The following NEDD4L variants were observed in gnomAD, a reference collection of about 807,000 sequenced individuals.
The protein encoded by NEDD4L is E3 ubiquitin-protein ligase NEDD4-like.
Under a neutral mutation model 148.9 loss-of-function variants are expected in NEDD4L, and 54 were observed. That is an observed-to-expected ratio of 0.36 (90% confidence interval 0.29 to 0.45). The LOEUF (loss-of-function observed/expected upper bound fraction) is 0.45. Among genes scored for constraint, NEDD4L ranks in the 20% least tolerant of loss-of-function variants. The probability of loss-of-function intolerance (pLI) is 1.00; values close to 1 mark genes in which losing one functional copy is unlikely to be tolerated. For synonymous variants in NEDD4L, 433 were observed against 440.7 expected (o/e 0.98, Z 0.22); for missense variants, 856 against 1,233.8 (o/e 0.69, Z 4.59).
At chr18:58,151,749 G>T (rs1420361733) in intron 1 of NEDD4L, among the ~76,000 whole-genome samples, 1 of 151,746 alleles carries the variant, frequency 6.6e-6, no homozygotes, top group Admixed American at 6.6e-5. Context: ...AATCTATGGG[G>T]TTAGAGAGCA....
intron 2 of NEDD4L, among the ~76,000 whole-genome samples, chr18:58,240,245 C>T (rs2046475465): frequency 6.6e-6 from 1 of 152,064 alleles, no homozygotes; most frequent in Non-Finnish European, 1.5e-5. Context: ...GCTAGAACCT[C>T]CCAAGTGGTT....
At chr18:58,273,524 G>A (rs1430897717) in intron 5 of NEDD4L, among the ~76,000 whole-genome samples, 2 of 152,184 alleles carry the variant, frequency 1.3e-5, no homozygotes, top group East Asian at 1.9e-4. Context: ...GTGTGTGAGG[G>A]CTTGCAGACT....
intron 5 of NEDD4L, among the ~76,000 whole-genome samples, chr18:58,275,809 A>T (rs547376501): frequency 6.6e-6 from 1 of 152,258 alleles, no homozygotes; most frequent in East Asian, 1.9e-4. Context: ...GGAAAACTTA[A>T]CAAGCAGGAA....
intron 2 of NEDD4L, among the ~76,000 whole-genome samples, chr18:58,241,784 A>G (rs571262409): frequency 3.3e-5 from 5 of 152,158 alleles, no homozygotes; most frequent in African/African-American, 1.2e-4. Context: ...CAGGAAATAG[A>G]AGGTTGCTTG....
chr18:58,378,682 G>T (rs369105258), intron 24 of NEDD4L, among the ~76,000 whole-genome samples: 1 of 152,168 alleles, frequency 6.6e-6, no homozygotes, highest in South Asian at 2.1e-4. Flanking sequence ...CCCCGAGGCC[G>T]TGCCCTGCAG....
intron 5 of NEDD4L, among the ~76,000 whole-genome samples, chr18:58,295,945 A>C (rs1481819425): frequency 6.6e-6 from 1 of 152,176 alleles, no homozygotes; most frequent in South Asian, 2.1e-4. Context: ...TGAGTGAAAC[A>C]GTATTTCATT....
At chr18:58,100,340 C>A (rs982539922) in intron 1 of NEDD4L, among the ~76,000 whole-genome samples, 1 of 152,150 alleles carries the variant, frequency 6.6e-6, no homozygotes, top group Non-Finnish European at 1.5e-5. Context: ...CCCTTAGAGG[C>A]CAGAGTAATG....
intron 2 of NEDD4L, among the ~76,000 whole-genome samples, chr18:58,179,417 C>T (rs749606826): frequency 1.1e-4 from 17 of 152,172 alleles, no homozygotes; most frequent in African/African-American, 2.9e-4. Context: ...ACCAAAGAGT[C>T]GTCCTTTACT....
intron 5 of NEDD4L, among the ~76,000 whole-genome samples, chr18:58,281,649 T>C (rs1353234905): frequency 6.6e-6 from 1 of 151,926 alleles, no homozygotes. Context: ...GGCAGCTGTT[T>C]TGGAGGAAAA....
At chr18:58,383,400 A>G (rs955662050) in intron 25 of NEDD4L, 81 bp downstream of exon 25, 3 of 791,058 alleles carry the variant, frequency 3.8e-6, no homozygotes, top group Admixed American at 2.2e-5. Flanking sequence ...GAAACAGCTC[A>G]TGCATTTATT....
At chr18:58,298,024 G>A (rs1162192237) in intron 5 of NEDD4L, among the ~76,000 whole-genome samples, 2 of 151,802 alleles carry the variant, frequency 1.3e-5, no homozygotes, top group Non-Finnish European at 2.9e-5. Flanking sequence ...ATTCTTGAAG[G>A]GAAACAATTA....
At chr18:58,279,458 G>T (rs1220727897) in intron 5 of NEDD4L, among the ~76,000 whole-genome samples, 1 of 152,190 alleles carries the variant, frequency 6.6e-6, no homozygotes, top group African/African-American at 2.4e-5. Flanking sequence ...TTGCAAAGGA[G>T]GGCATTTCCA....
Position 58,383,419 on chromosome 18 carries a change from G to A in NEDD4L, c.2426+100G>A, listed in dbSNP as rs2048598698. On this transcript the variant is annotated intron_variant, in intron 25 of 30. Coordinates refer to ENST00000400345, the MANE Select transcript of NEDD4L (RefSeq NM_001144967.3). ...CAGCTCATGCATTTATTATGGGCAT[G>A]AGTTTATTGGTCAGTTTTCAACAAG... 5.8e-6 allele frequency: 4 copies of A among 692,414 alleles called. No individual in the cohort carries two copies. The East Asian group carries it at 1.1e-4, about 19-fold the overall frequency. 42.9% of individuals were successfully genotyped at this position (692,414 alleles called of 1,614,324 possible). A position where few individuals can be genotyped will look rare whatever the true frequency, so the allele number is the denominator to read the frequency against.
chr18:58,247,822 C>A (rs1346225883), intron 3 of NEDD4L, among the ~76,000 whole-genome samples: 1 of 152,226 alleles, frequency 6.6e-6, no homozygotes. Flanking sequence ...GCTCCACTCC[C>A]CTCCCCTCGT....
chr18:58,257,697 C>T (rs985397405), intron 5 of NEDD4L, among the ~76,000 whole-genome samples: 2 of 152,256 alleles, frequency 1.3e-5, no homozygotes, highest in Non-Finnish European at 1.5e-5. Context: ...GACAGCTGCA[C>T]GCTCCATCGA....
In NEDD4L at chr18:58,044,416, C is replaced by T. The variant is rs1340221549; in HGVS notation, c.-245C>T. ...GGCGCCGGGGCTGCCGCCCGGTGCT[C>T]GGCGCGCTCTCGGGAGCCGCCCGCC... On this transcript the variant is annotated 5_prime_UTR_variant, in exon 1 of 31. Transcript: ENST00000400345. 3 of 301,418 alleles carry T rather than the reference C, an allele frequency of 1.0e-5. No homozygotes were observed. Among genetic ancestry groups the T allele is most frequent in the South Asian group, 1.5e-4 (1 of 6,504 alleles). 18.7% of individuals were successfully genotyped at this position (301,418 alleles called of 1,614,324 possible). A position where few individuals can be genotyped will look rare whatever the true frequency, so the allele number is the denominator to read the frequency against.
At chr18:58,318,321 C>T (rs1013330623) in intron 6 of NEDD4L, among the ~76,000 whole-genome samples, 8 of 152,212 alleles carry the variant, frequency 5.3e-5, no homozygotes, top group Admixed American at 1.3e-4. Flanking sequence ...TTTTGGAGGC[C>T]GAGGCAGGAG....
chr18:58,390,474 T>C (rs2049663138), intron 28 of NEDD4L, 172 bp from the exon 29 acceptor site: 1 of 530,900 alleles, frequency 1.9e-6, no homozygotes, highest in African/African-American at 1.9e-5. Context: ...GTCTCTTAGA[T>C]TAGAGAGGCC....
chr18:58,330,050 T>C lies in NEDD4L; in HGVS notation c.814-688T>C, dbSNP rs75483117. On this transcript the variant is annotated intron_variant, in intron 10 of 30. Coordinates refer to ENST00000400345, the MANE Select transcript of NEDD4L (RefSeq NM_001144967.3). ...GTGTAATTTTCCCTTTAAATAGTTATGGTATGTTACTTAAAACGTTATGAA... is the reference window on the plus strand; with the variant it reads ...GTGTAATTTTCCCTTTAAATAGTTACGGTATGTTACTTAAAACGTTATGAA... Among the ~76,000 whole-genome samples, 594 of 152,318 alleles carry C rather than the reference T, an allele frequency of 3.9e-3. 7 individuals are homozygous for C. The highest frequency in any genetic ancestry group is 0.014 in the African/African-American group (574 of 41,566).
Sources: allele counts gnomAD v4.1 joint callset (sites outside exome capture counted in the v4.1 genomes callset), GRCh38; gene constraint gnomAD v4.1.1; transcripts MANE v1.5; gene names NCBI Gene and HGNC (gene_info 2026-07-23, HGNC 2026-07-21).